FOCAD: variants seen among roughly 807,000 people sequenced by gnomAD.
FOCAD encodes KIAA1797.
Under a neutral mutation model 225.6 loss-of-function variants are expected in FOCAD, and 198 were observed. That is an observed-to-expected ratio of 0.88 (90% confidence interval 0.78 to 0.99). The LOEUF is 0.99. FOCAD is among the 50% of genes least tolerant of loss of function. FOCAD has a pLI of 0.00. For missense variants in FOCAD, 2,713 were observed against 2,123.6 expected (o/e 1.28, Z -5.46); for synonymous variants, 897 against 755.0 (o/e 1.19, Z -3.08).
intron 4 of FOCAD, among the ~76,000 whole-genome samples, chr9:20,725,890 C>G (rs1373363177): frequency 1.3e-5 from 2 of 151,912 alleles, no homozygotes; most frequent in African/African-American, 4.8e-5. Context: ...CAACATGAAA[C>G]AATTGTAAAC....
rs897587445 is a variant in FOCAD at position 20,976,476 on chromosome 9, G to A, written c.4189G>A (p.Val1397Ile). The A allele has an allele frequency of 6.2e-7, 1 of 1,613,298 alleles. No individual in the cohort carries two copies. The highest frequency in any genetic ancestry group is 1.3e-5 in the African/African-American group (1 of 75,002). Residue 1397 changes from valine to isoleucine, a missense_variant, in exon 36 of 44, where the codon GTT becomes ATT. Val to Ile is a conservative substitution (Grantham distance 29). Coordinates refer to ENST00000338382, the MANE Select transcript of FOCAD (RefSeq NM_001375567.1). ...AGTAGTGATGAAACCCATAGCAACT[G>A]TTGGAGAAAGCTACCAATATCCTCC... ...LKVVMKPIATVGESYQYPPVN... is the reference protein window; with the variant it reads ...LKVVMKPIATIGESYQYPPVN...
intron 4 of FOCAD, among the ~76,000 whole-genome samples, chr9:20,739,814 G>C (rs544854725): frequency 6.6e-6 from 1 of 152,148 alleles, no homozygotes; most frequent in Admixed American, 6.5e-5. Flanking sequence ...GGGGTTATTT[G>C]CTTTGATTGC....
At chr9:20,703,027 C>CAAAAT (rs775921198) in intron 1 of FOCAD, among the ~76,000 whole-genome samples, 34 of 151,992 alleles carry the variant, frequency 2.2e-4, no homozygotes, top group Non-Finnish European at 4.1e-4. Flanking sequence ...CAAAACAAAA[C>CAAAAT]GGTCCCTGCC....
At chr9:20,716,378 T>C (rs1218686966) in intron 2 of FOCAD, among the ~76,000 whole-genome samples, 1 of 152,114 alleles carries the variant, frequency 6.6e-6, no homozygotes, top group Non-Finnish European at 1.5e-5. Flanking sequence ...GTAGGATGGC[T>C]ATTTGAATTC....
chr9:20,961,962 A>G (rs191471856), intron 35 of FOCAD, among the ~76,000 whole-genome samples: 1 of 152,298 alleles, frequency 6.6e-6, no homozygotes, highest in Admixed American at 6.5e-5. Flanking sequence ...TCATCAATTT[A>G]TTTTAAAAAC....
In FOCAD at chr9:20,752,371, C is replaced by A. The variant is rs201946258; in HGVS notation, c.393-5719C>A. Among the ~76,000 whole-genome samples, 852 of 150,920 alleles carry A rather than the reference C, an allele frequency of 5.6e-3. 7 individuals are homozygous for A. The highest frequency in any genetic ancestry group is 0.019 in the African/African-American group (767 of 41,122). On this transcript the variant is annotated intron_variant, in intron 5 of 43. Coordinates refer to ENST00000338382, the MANE Select transcript of FOCAD (RefSeq NM_001375567.1). ...GGAAGGGATCCAGTTTCAGCTTTCTCCATATGGCTAGCCAGTTTTCCCAGC... is the reference window on the plus strand; with the variant it reads ...GGAAGGGATCCAGTTTCAGCTTTCTACATATGGCTAGCCAGTTTTCCCAGC...
intron 11 of FOCAD, among the ~76,000 whole-genome samples, chr9:20,795,406 C>T (rs1446915759): frequency 6.6e-6 from 1 of 152,026 alleles, no homozygotes; most frequent in Admixed American, 6.6e-5. Flanking sequence ...TTAAAAAATT[C>T]ACTTGTGTAC....
intron 21 of FOCAD, among the ~76,000 whole-genome samples, chr9:20,894,350 A>G (rs1343208561): frequency 1.3e-5 from 2 of 152,148 alleles, no homozygotes; most frequent in African/African-American, 4.8e-5. Flanking sequence ...CTTTGTGCAG[A>G]ATTTTGTTTG....
At chr9:20,673,749 C>T (rs913984146) in intron 2 of FOCAD, among the ~76,000 whole-genome samples, 1 of 152,108 alleles carries the variant, frequency 6.6e-6, no homozygotes, top group Admixed American at 6.5e-5. Context: ...ACTACACGTG[C>T]GTGCCACACG....
chr9:20,809,852 G>A (rs971419769), intron 11 of FOCAD, among the ~76,000 whole-genome samples: 4 of 152,060 alleles, frequency 2.6e-5, no homozygotes, highest in African/African-American at 9.7e-5. Flanking sequence ...TAACTCATAA[G>A]AGAGTTTTCT....
At chr9:20,824,156 A>G (rs1455507783) in intron 15 of FOCAD, among the ~76,000 whole-genome samples, 1 of 152,158 alleles carries the variant, frequency 6.6e-6, no homozygotes, top group Non-Finnish European at 1.5e-5. Flanking sequence ...GGGCTATTAT[A>G]GCAGGAGAAT....
At chr9:20,770,489 G>C (rs1488129282) in intron 8 of FOCAD, among the ~76,000 whole-genome samples, 1 of 152,120 alleles carries the variant, frequency 6.6e-6, no homozygotes, top group East Asian at 1.9e-4. Flanking sequence ...GATACTACAC[G>C]CTTTTAAACA....
chr9:20,674,868 C>G (rs1015493340), intron 2 of FOCAD, among the ~76,000 whole-genome samples: 3 of 152,190 alleles, frequency 2.0e-5, no homozygotes, highest in Non-Finnish European at 4.4e-5. Flanking sequence ...GAATAGATTC[C>G]TTCAAAATTT....
intron 8 of FOCAD, among the ~76,000 whole-genome samples, chr9:20,772,932 A>G (rs1818382875): frequency 6.6e-6 from 1 of 150,802 alleles, no homozygotes; most frequent in Admixed American, 6.6e-5. Context: ...GTATAATTAT[A>G]TTTTACAGAT....
intron 21 of FOCAD, among the ~76,000 whole-genome samples, chr9:20,902,096 C>T (rs552199906): frequency 1.8e-4 from 28 of 151,926 alleles, no homozygotes; most frequent in South Asian, 4.2e-4. Context: ...TGTTAAACTC[C>T]GCAGGTCCTT....
At chr9:20,721,862 GCCCTGCCTTCCCCTCCCCTC>G (rs1825792314) in intron 4 of FOCAD, among the ~76,000 whole-genome samples, 2 of 122,038 alleles carry the variant, frequency 1.6e-5, no homozygotes, top group African/African-American at 6.5e-5. Context: ...GCCCTGTTCT[GCCCTGCCTTCCCCTCCCCTC>G]CCCTTCCTCC....
rs1197579280 is a variant in FOCAD at position 20,913,579 on chromosome 9, C to A, written c.2807+625C>A. Among the ~76,000 whole-genome samples the A allele has an allele frequency of 2.0e-5, 3 of 152,184 alleles. No homozygotes were observed. In the East Asian group the frequency reaches 5.8e-4, roughly 29 times the overall value. On this transcript the variant is annotated intron_variant, in intron 23 of 43. Coordinates refer to ENST00000338382, the MANE Select transcript of FOCAD (RefSeq NM_001375567.1). ...AAAGTCTAAATAGCTTTGCCTACAACCACAGGTTGCTTTAATCTAAAAATC... is the reference window on the plus strand; with the variant it reads ...AAAGTCTAAATAGCTTTGCCTACAAACACAGGTTGCTTTAATCTAAAAATC...
intron 9 of FOCAD, among the ~76,000 whole-genome samples, chr9:20,781,358 A>G (rs965165481): frequency 6.6e-6 from 1 of 152,230 alleles, no homozygotes; most frequent in Non-Finnish European, 1.5e-5. Context: ...TAAAGGAAGC[A>G]TGTATGTTGG....
In FOCAD at chr9:20,993,329, G is replaced by C. The variant is rs1269637044; in HGVS notation, c.5332+1G>C. On this transcript the variant is annotated splice_donor_variant, in intron 43 of 43. Coordinates refer to ENST00000338382, the MANE Select transcript of FOCAD (RefSeq NM_001375567.1). LOFTEE classifies it high-confidence loss of function. ...GCACAGTCCAGGGATCTTTTGAAAG[G>C]TATTACTTCCATGTTTTATGCTCAA... is the stretch of plus-strand genomic sequence containing the variant. 6.2e-7 allele frequency: 1 copy of C among 1,611,588 alleles called. No homozygotes were observed. Among genetic ancestry groups the C allele is most frequent in the South Asian group, 1.1e-5 (1 of 91,008 alleles).
Sources: allele counts gnomAD v4.1 joint callset (sites outside exome capture counted in the v4.1 genomes callset), GRCh38; gene constraint gnomAD v4.1.1; transcripts MANE v1.5; gene names NCBI Gene and HGNC (gene_info 2026-07-23, HGNC 2026-07-21).